The following MACROD2 variants were observed in gnomAD, a reference collection of about 807,000 sequenced individuals.
MACROD2 encodes the protein ADP-ribose glycohydrolase MACROD2.
A neutral mutation model predicts 70.4 loss-of-function variants in MACROD2; 36 were observed. The ratio of observed to expected loss-of-function variants is 0.51; its 90% CI spans 0.39 to 0.68. The LOEUF is 0.68. MACROD2 is among the 30% of genes least tolerant of loss of function. The pLI is 0.00. For synonymous variants in MACROD2, 172 were observed against 178.8 expected, an observed-to-expected ratio of 0.96 and a Z score of 0.30; for missense variants, 496 against 538.4, an observed-to-expected ratio of 0.92 and a Z score of 0.78.
intron 5 of MACROD2, among the ~76,000 whole-genome samples, chr20:15,025,333 C>T (rs191638077): frequency 4.6e-5 from 7 of 152,198 alleles, no homozygotes; most frequent in Admixed American, 1.3e-4. Flanking sequence ...TGGGTGGTGT[C>T]TACCTCCTTG....
intron 3 of MACROD2, among the ~76,000 whole-genome samples, chr20:14,367,023 GC>G (rs2083279263): frequency 6.6e-6 from 1 of 152,174 alleles, no homozygotes; most frequent in African/African-American, 2.4e-5. Context: ...TTTGAAGTGT[GC>G]TTTTTTGATC....
intron 5 of MACROD2, among the ~76,000 whole-genome samples, chr20:14,887,749 C>G (rs2073698238): frequency 6.6e-6 from 1 of 151,700 alleles, no homozygotes; most frequent in Admixed American, 6.6e-5. Flanking sequence ...TGGTATTTTT[C>G]ATTTTTGGTT....
chr20:14,314,454 A>G (rs1359407067), intron 3 of MACROD2, among the ~76,000 whole-genome samples: 1 of 152,186 alleles, frequency 6.6e-6, no homozygotes, highest in Admixed American at 6.5e-5. Context: ...TTTTTTTATC[A>G]TCAAAGACAA....
chr20:14,551,963 T>C (rs1467641021), intron 4 of MACROD2, among the ~76,000 whole-genome samples: 1 of 152,090 alleles, frequency 6.6e-6, no homozygotes, highest in African/African-American at 2.4e-5. Flanking sequence ...AGTGAAGTAT[T>C]AAATTGTTTT....
chr20:14,780,095 G>A (rs961149643), intron 5 of MACROD2, among the ~76,000 whole-genome samples: 11 of 152,164 alleles, frequency 7.2e-5, no homozygotes, highest in African/African-American at 1.9e-4. Flanking sequence ...GAGTGATGGC[G>A]AGTGCCTATA....
At chr20:14,051,833 C>T in intron 2 of MACROD2, 1 of 479,964 alleles carries the variant, frequency 2.1e-6, no homozygotes, top group Admixed American at 2.2e-5. Context: ...ACTTGAAAGG[C>T]CCATCCTTTT....
chr20:15,193,271 C>T (rs1568627512), intron 5 of MACROD2, among the ~76,000 whole-genome samples: 1 of 152,088 alleles, frequency 6.6e-6, no homozygotes, highest in Non-Finnish European at 1.5e-5. Context: ...ATCAAATTAA[C>T]TTGGCAGAAA....
intron 8 of MACROD2, among the ~76,000 whole-genome samples, chr20:15,670,384 C>G (rs935684781): frequency 2.0e-5 from 3 of 152,174 alleles, no homozygotes; most frequent in African/African-American, 7.2e-5. Context: ...CCATTTCAGT[C>G]TCCGTCCTGA....
intron 3 of MACROD2, among the ~76,000 whole-genome samples, chr20:14,228,912 C>T (rs570508896): frequency 2.0e-5 from 3 of 148,180 alleles, no homozygotes; most frequent in African/African-American, 7.5e-5. Context: ...GAGGTTGAGG[C>T]ACAAGAATTG....
At chr20:15,845,938 C>T (rs2064226160) in intron 8 of MACROD2, among the ~76,000 whole-genome samples, 1 of 152,208 alleles carries the variant, frequency 6.6e-6, no homozygotes, top group South Asian at 2.1e-4. Flanking sequence ...ATCCGAACCT[C>T]CTCTCCCACA....
intron 3 of MACROD2, among the ~76,000 whole-genome samples, chr20:14,401,259 A>G (rs1179446818): frequency 6.6e-6 from 1 of 152,202 alleles, no homozygotes; most frequent in Non-Finnish European, 1.5e-5. Flanking sequence ...TGTGGCAAAC[A>G]TAGGTATGCA....
intron 5 of MACROD2, among the ~76,000 whole-genome samples, chr20:14,750,229 TAAA>T: frequency 6.6e-6 from 1 of 152,134 alleles, no homozygotes; most frequent in Non-Finnish European, 1.5e-5. Context: ...TTTTATCATA[TAAA>T]CTCATTTGAG....
At chr20:14,389,584 A>C (rs2083506138) in intron 3 of MACROD2, among the ~76,000 whole-genome samples, 1 of 152,144 alleles carries the variant, frequency 6.6e-6, no homozygotes, top group Admixed American at 6.5e-5. Context: ...AGATACTTGT[A>C]ACATTTGAGC....
At chr20:14,892,060 T>C (rs571554523) in intron 5 of MACROD2, among the ~76,000 whole-genome samples, 1 of 152,304 alleles carries the variant, frequency 6.6e-6, no homozygotes, top group African/African-American at 2.4e-5. Context: ...ATCTATTTAC[T>C]CTCCTGGATT....
At chr20:15,935,217 T>G (rs1373216382) in intron 11 of MACROD2, among the ~76,000 whole-genome samples, 1 of 152,174 alleles carries the variant, frequency 6.6e-6, no homozygotes, top group Non-Finnish European at 1.5e-5. Flanking sequence ...AGCCCTCTTC[T>G]CCAGCCCTTG....
At chr20:15,290,587 C>A (rs1238797667) in intron 6 of MACROD2, among the ~76,000 whole-genome samples, 7 of 152,202 alleles carry the variant, frequency 4.6e-5, no homozygotes. Flanking sequence ...ATTGTAACAA[C>A]TTCTTTTGAG....
At chr20:15,226,536 A>G (rs931610402) in intron 5 of MACROD2, among the ~76,000 whole-genome samples, 1 of 151,882 alleles carries the variant, frequency 6.6e-6, no homozygotes. Context: ...AGTGTTTAAT[A>G]AAACATAAAT....
chr20:15,467,492 C>T (rs1390726758), intron 7 of MACROD2, among the ~76,000 whole-genome samples: 1 of 152,186 alleles, frequency 6.6e-6, no homozygotes. Flanking sequence ...TTGCACTCCC[C>T]GTTTTACAGA....
chr20:15,293,006 A>G (rs954441499), intron 6 of MACROD2, among the ~76,000 whole-genome samples: 5 of 152,120 alleles, frequency 3.3e-5, no homozygotes, highest in African/African-American at 7.2e-5. Flanking sequence ...GGTAGATGTC[A>G]TTTGAATCTC....
Sources: gnomAD v4.1 joint callset for allele counts (sites outside exome capture counted in the v4.1 genomes callset) on GRCh38, gnomAD v4.1.1 for gene constraint, MANE v1.5 for transcripts, NCBI Gene and HGNC (gene_info 2026-07-23, HGNC 2026-07-21) for gene names.